The following DHX38 variants were observed in gnomAD, a reference collection of about 807,000 sequenced individuals.
The protein encoded by DHX38 is DEAH-box helicase 38, also known as pre-mRNA-splicing factor ATP-dependent RNA helicase PRP16.
In DHX38, 100 loss-of-function variants were observed where a neutral mutation model predicts 153.1. The ratio of observed to expected loss-of-function variants is 0.65; its 90% CI spans 0.56 to 0.77. The LOEUF (loss-of-function observed/expected upper bound fraction) is 0.77, where lower values mean the gene tolerates loss of function less well. Among genes scored for constraint, DHX38 ranks in the 30% least tolerant of loss-of-function variants. The probability of loss-of-function intolerance (pLI) is 0.00; values close to 1 mark genes in which losing one functional copy is unlikely to be tolerated. For synonymous variants in DHX38, 650 were observed against 631.7 expected (o/e 1.03, Z -0.43); for missense variants, 1,440 against 1,654.0 (o/e 0.87, Z 2.24).
In DHX38 at chr16:72,096,304, C is replaced by T. The variant is rs1050361; in HGVS notation, c.147C>T (p.Leu49=). Residue 49 remains leucine, a synonymous_variant, in exon 2 of 27, where the codon CTC becomes CTT. Coordinates refer to ENST00000268482, the MANE Select transcript of DHX38 (RefSeq NM_014003.4). ...CTCCTGCTCCCCGCCCTTCATTACTCGGACTGGACTTGCTGGCTTCCCTGA... is the reference window on the plus strand; with the variant it reads ...CTCCTGCTCCCCGCCCTTCATTACTTGGACTGGACTTGCTGGCTTCCCTGA... The part of the protein sequence containing the change: ...FKAPAPRPSL[L]GLDLLASLKR... The T allele has an allele frequency of 5.6e-6, 9 of 1,613,922 alleles. No homozygotes were observed. Among genetic ancestry groups the T allele is most frequent in the Admixed American group, 1.7e-5 (1 of 60,000 alleles).
At chr16:72,103,474 C>A in intron 12 of DHX38, 128 bp from the exon 13 acceptor site, 1 of 1,106,650 alleles carries the variant, frequency 9.0e-7, no homozygotes, top group Non-Finnish European at 1.3e-6. Context: ...CAGTGAAATT[C>A]TCCCTTCTAA....
chr16:72,100,469 AC>A lies in DHX38; in HGVS notation c.1152del (p.Ser385ValfsTer23). 1 of 1,614,098 alleles carries A rather than the reference AC, an allele frequency of 6.2e-7. No homozygotes were observed. The highest frequency in any genetic ancestry group is 8.5e-7 in the Non-Finnish European group (1 of 1,179,988). ...NERWETNRML[T>X]SGVVHRLEVD... ...GCGCTGGGAGACAAACCGCATGCTC[AC>A]CAGTGGGGTGGTCCATCGGCTGGAG... On this transcript the variant is annotated frameshift_variant, in exon 9 of 27. Coordinates refer to ENST00000268482, the MANE Select transcript of DHX38 (RefSeq NM_014003.4). LOFTEE classifies it high-confidence loss of function.
Position 72,098,724 on chromosome 16 carries a change from G to C in DHX38, c.696G>C (p.Ser232=). 1 of 1,613,962 alleles carries C rather than the reference G, an allele frequency of 6.2e-7. No homozygotes were observed. The highest frequency in any genetic ancestry group is 8.5e-7 in the Non-Finnish European group (1 of 1,179,986). The change falls in exon 5 of 27, where the codon TCG becomes TCC. Residue 232 remains serine, a synonymous_variant. Coordinates refer to ENST00000268482, the MANE Select transcript of DHX38 (RefSeq NM_014003.4). ...YGSSRRSQWE[S]PSPTPSYRDS... ...CCTCAAGGCGCTCACAGTGGGAATC[G>C]CCCTCCCCGACGCCTTCCTATCGGG... is the stretch of plus-strand genomic sequence containing the variant.
In DHX38 at chr16:72,101,141, G is replaced by A. The variant is rs569480638; in HGVS notation, c.1334G>A (p.Arg445Gln). The change falls in exon 10 of 27, where the codon CGG becomes CAG. Residue 445 changes from arginine (R) to glutamine (Q), a missense_variant. Arg to Gln is a conservative substitution (Grantham distance 43). Coordinates refer to ENST00000268482, the MANE Select transcript of DHX38 (RefSeq NM_014003.4). ...DATSDLAIIA[R>Q]KGSQTVRKHR... ...ACTTCTGACCTGGCCATCATTGCTC[G>A]GAAAGGCAGCCAGACAGTGCGGAAG... The A allele has an allele frequency of 7.4e-6, 12 of 1,614,266 alleles. No homozygotes were observed. The highest frequency in any genetic ancestry group is 4.5e-5 in the East Asian group (2 of 44,886).
At position 72,112,616 on chromosome 16, in the gene DHX38, G is replaced by GC. The variant is rs1403829801; in HGVS notation, c.*125dup. ...AGGACTTTCATCTGTGCATATCACGGCCCCCCAGGGCAGTTCCTGCTGGAC... is the reference window on the plus strand; with the variant it reads ...AGGACTTTCATCTGTGCATATCACGGCCCCCCCAGGGCAGTTCCTGCTGGAC... On this transcript the variant is annotated 3_prime_UTR_variant, in exon 27 of 27. Transcript: ENST00000268482. 2 of 1,071,672 alleles carry GC rather than the reference G, an allele frequency of 1.9e-6. No homozygotes were observed. The highest frequency in any genetic ancestry group is 2.8e-6 in the Non-Finnish European group (2 of 719,004). The allele number at this position is 1,071,672 out of a possible 1,614,324, so 66.4% of individuals were successfully genotyped here.
rs1273382630 is a variant in DHX38, at chr16:72,099,055, G to T, written c.883+10G>T. On this transcript the variant is annotated intron_variant, in intron 6 of 26. Coordinates refer to ENST00000268482, the MANE Select transcript of DHX38 (RefSeq NM_014003.4). ...CTGTCCAGGGGCCGAGGTGAGGCCTGTGGGGCAGCAGGCAGAAGAGCAGGC... is the reference window on the plus strand; with the variant it reads ...CTGTCCAGGGGCCGAGGTGAGGCCTTTGGGGCAGCAGGCAGAAGAGCAGGC... 8.7e-6 allele frequency: 14 copies of T among 1,612,180 alleles called. No individual in the cohort carries two copies. The highest frequency in any genetic ancestry group is 2.2e-4 in the Middle Eastern group (1 of 4,650).
rs545468407 is a variant in DHX38 at position 72,106,753 on chromosome 16, C to T, written c.2601-587C>T. On this transcript the variant is annotated intron_variant, in intron 19 of 26. Coordinates refer to ENST00000268482, the MANE Select transcript of DHX38 (RefSeq NM_014003.4). The stretch of plus-strand genomic sequence containing the variant: ...GGTGTGAGCCACTCTGCCTGGCTCT[C>T]TTCCCCTTTTTTGTTCCAATTAAAA... 2.4e-4 allele frequency among the ~76,000 whole-genome samples: 36 copies of T among 152,298 alleles called. No homozygotes were observed. The South Asian group carries it at 6.8e-3, about 29-fold the overall frequency.
At chr16:72,097,867 G>A (rs937564954) in intron 4 of DHX38, 86 bp downstream of exon 4, 1 of 1,285,132 alleles carries the variant, frequency 7.8e-7, no homozygotes, top group East Asian at 2.5e-5. Flanking sequence ...AGATTGCTGA[G>A]GCATTGAGTC....
chr16:72,112,476 G>T lies in DHX38; in HGVS notation c.3663G>T (p.Thr1221=). 1 of 1,612,082 alleles carries T rather than the reference G, an allele frequency of 6.2e-7. No homozygotes were observed. Among genetic ancestry groups the T allele is most frequent in the Non-Finnish European group, 8.5e-7 (1 of 1,180,016 alleles). The change falls in exon 27 of 27, where the codon ACG becomes ACT. Residue 1221 remains threonine (T), a synonymous_variant. Transcript: ENST00000268482. ...GGGAGCCCATGACCCCTCGCCGCAC[G>T]CCAGCCCGCTTTGGTCTGTGAGCTG... is the stretch of plus-strand genomic sequence containing the variant. ...EQGEPMTPRR[T]PARFGL
chr16:72,098,625 ATG>A lies in DHX38; in HGVS notation c.617-16_617-15del. Reference sequence around the variant, plus strand: ...TGGTTAAGTGAGATGTTTCCTGTGGATGTGTCTTTTGTGGCCCAGATGCAGCC... The same window carrying A: ...TGGTTAAGTGAGATGTTTCCTGTGGATGTCTTTTGTGGCCCAGATGCAGCC... On this transcript the variant is annotated intron_variant, in intron 4 of 26. Transcript: ENST00000268482. 6.2e-7 allele frequency: 1 copy of A among 1,612,352 alleles called. No individual in the cohort carries two copies. Among genetic ancestry groups the A allele is most frequent in the Non-Finnish European group, 8.5e-7 (1 of 1,178,674 alleles).
Position 72,107,402 on chromosome 16 carries a change from G to A in DHX38, c.2663G>A (p.Arg888Lys). The A allele has an allele frequency of 6.2e-7, 1 of 1,614,028 alleles. No homozygotes were observed. The highest frequency in any genetic ancestry group is 8.5e-7 in the Non-Finnish European group (1 of 1,180,040). ...LLTTTVPEIQ[R>K]TNLANVVLLL... ...ACCACCACAGTGCCCGAGATCCAGAGGACTAACCTGGCCAACGTGGTGCTG... is the reference window on the plus strand; with the variant it reads ...ACCACCACAGTGCCCGAGATCCAGAAGACTAACCTGGCCAACGTGGTGCTG... The change falls in exon 20 of 27, where the codon AGG becomes AAG. Residue 888 changes from arginine to lysine, a missense_variant. Around this residue, in one of 6 missense-constraint regions of DHX38, gnomAD observed 543 missense variants for 717.9 expected, o/e 0.76. Coordinates refer to ENST00000268482, the MANE Select transcript of DHX38 (RefSeq NM_014003.4). This position sits in a 1 kb window ranked among gnomAD's most constrained non-coding sequence, Gnocchi z 5.3.
At position 72,096,809 on chromosome 16, in the gene DHX38, C is replaced by T. The variant is rs1354262010; in HGVS notation, c.324-13C>T. 6.2e-7 allele frequency: 1 copy of T among 1,604,036 alleles called. No homozygotes were observed. Among genetic ancestry groups the T allele is most frequent in the African/African-American group, 1.3e-5 (1 of 74,490 alleles). On this transcript the variant is annotated splice_polypyrimidine_tract_variant and intron_variant, in intron 2 of 26. Transcript: ENST00000268482. ...TATGGAGGGGCCTTTACCAGTTGCT[C>T]TCCCTGTTTCAGACATTATCGGTCT...
chr16:72,108,343 G>T lies in DHX38; in HGVS notation c.3081G>T (p.Trp1027Cys). Residue 1027 changes from tryptophan (W) to cysteine (C), a missense_variant, in exon 22 of 27, where the codon TGG becomes TGT. Around this residue, in one of 6 missense-constraint regions of DHX38, gnomAD observed 543 missense variants for 717.9 expected, o/e 0.76. Transcript: ENST00000268482. ...AGAACAATAATTACTCCACCATCTG[G>T]TGTAACGATCATTTCATCCATGCTA... ...QWKNNNYSTI[W>C]CNDHFIHAKA... 6.2e-7 allele frequency: 1 copy of T among 1,614,178 alleles called. No homozygotes were observed.
chr16:72,101,477 AGACT>A lies in DHX38; in HGVS notation c.1387-19_1387-16del. On this transcript the variant is annotated intron_variant, in intron 10 of 26. Coordinates refer to ENST00000268482, the MANE Select transcript of DHX38 (RefSeq NM_014003.4). ...TCGCAGTCATGTGGCAGGATGGAGC[AGACT>A]GACCTTTTTCCTTTTCAGGCTCAGC... The A allele has an allele frequency of 6.5e-7, 1 of 1,547,156 alleles. No individual in the cohort carries two copies. Among genetic ancestry groups the A allele is most frequent in the Non-Finnish European group, 8.7e-7 (1 of 1,142,988 alleles).
At chr16:72,101,942 G>A (rs183934752) in intron 11 of DHX38, among the ~76,000 whole-genome samples, 5 of 152,186 alleles carry the variant, frequency 3.3e-5, no homozygotes, top group African/African-American at 7.2e-5. Flanking sequence ...TCACATCAGA[G>A]CCACTCTGCT....
At chr16:72,100,981 C>T in intron 9 of DHX38, 105 bp from the exon 10 acceptor site, 3 of 1,121,334 alleles carry the variant, frequency 2.7e-6, no homozygotes, top group Admixed American at 1.7e-5. Flanking sequence ...AGAAAATAGC[C>T]CTGTACCATG....
In DHX38 at chr16:72,107,238, G is replaced by A; in HGVS notation, c.2601-102G>A. 8.1e-7 allele frequency: 1 copy of A among 1,236,584 alleles called. No homozygotes were observed. Among genetic ancestry groups the A allele is most frequent in the South Asian group, 1.5e-5 (1 of 68,772 alleles). 76.6% of individuals were successfully genotyped at this position (1,236,584 alleles called of 1,614,324 possible). A position where few individuals can be genotyped will look rare whatever the true frequency, so the allele number is the denominator to read the frequency against. On this transcript the variant is annotated intron_variant, in intron 19 of 26. Transcript: ENST00000268482. The surrounding 1 kb of genome is among the most constrained non-coding windows in gnomAD (Gnocchi z 5.3). ...CAGTGATTCACTGAAGTAGTGGGTG[G>A]GGAGAAGAAATGAGAATTTCCTCCC... is the stretch of plus-strand genomic sequence containing the variant.
Position 72,105,241 on chromosome 16 carries a change from G to C in DHX38, c.2272G>C (p.Asp758His). 6.2e-7 allele frequency: 1 copy of C among 1,614,178 alleles called. No individual in the cohort carries two copies. The highest frequency in any genetic ancestry group is 8.5e-7 in the Non-Finnish European group (1 of 1,180,036). The change falls in exon 17 of 27, where the codon GAC becomes CAC. Residue 758 changes from aspartate to histidine, a missense_variant. By Grantham distance (81) the Asp-to-His change is moderately conservative (BLOSUM62 -1). Transcript: ENST00000268482. Reference sequence around the variant, plus strand: ...CTCCCTGGGCTCTCAGGTGACCTCAGACCAGATTGTGGAGCATCTGGAGGA... The same window carrying C: ...CTCCCTGGGCTCTCAGGTGACCTCACACCAGATTGTGGAGCATCTGGAGGA... Reference protein sequence around the residue: ...PGQEDIEVTSDQIVEHLEELE... With the variant: ...PGQEDIEVTSHQIVEHLEELE...
At position 72,099,759 on chromosome 16, in the gene DHX38, G is replaced by C; in HGVS notation, c.988G>C (p.Asp330His). ...AGCCGATCGGGATTGGTACATGATG[G>C]ACGAGGGCTATGACGAGTTCCACAA... The part of the protein sequence containing the change: ...RQADRDWYMM[D>H]EGYDEFHNPL... Residue 330 changes from aspartate (D) to histidine (H), a missense_variant, in exon 8 of 27, where the codon GAC (aspartate) becomes CAC (histidine). Transcript: ENST00000268482. The C allele has an allele frequency of 1.2e-6, 2 of 1,614,190 alleles. No individual in the cohort carries two copies. Among genetic ancestry groups the C allele is most frequent in the African/African-American group, 1.3e-5 (1 of 75,052 alleles).
Sources: allele counts gnomAD v4.1 joint callset (sites outside exome capture counted in the v4.1 genomes callset), GRCh38; gene constraint gnomAD v4.1.1; regional missense constraint gnomAD v4.1.1; non-coding constraint Gnocchi (gnomAD v3.1); transcripts MANE v1.5; gene names NCBI Gene and HGNC (gene_info 2026-07-23, HGNC 2026-07-21).